SERPINB9: variants seen among roughly 807,000 people sequenced by gnomAD.
SERPINB9 encodes the protein serpin B9.
SERPINB9 carries 20 observed loss-of-function variants against 27.2 expected under a neutral mutation model. That is an observed-to-expected ratio of 0.74 (90% CI 0.52 to 1.07). The LOEUF (loss-of-function observed/expected upper bound fraction) is 1.07. SERPINB9 is among the 50% of genes least tolerant of loss of function. The probability of loss-of-function intolerance (pLI) is 0.00; values close to 1 mark genes in which losing one functional copy is unlikely to be tolerated. For synonymous variants in SERPINB9, 189 were observed against 180.0 expected (o/e 1.05, Z -0.40); for missense variants, 476 against 460.1 (o/e 1.03, Z -0.32).
intron 2 of SERPINB9, 121 bp from the exon 3 acceptor site, chr6:2,896,311 G>C: frequency 1.2e-6 from 1 of 804,902 alleles, no homozygotes; most frequent in South Asian, 1.9e-5. Flanking sequence ...AATGGATCTC[G>C]CTTGTTTAAA....
rs984774307 is a variant in SERPINB9 at position 2,891,696 on chromosome 6, C to T, written c.723+137G>A. On this transcript the variant is annotated intron_variant, in intron 6 of 6. Transcript: ENST00000380698. The surrounding 1 kb of genome is among the most constrained non-coding windows in gnomAD (Gnocchi z 4.0). ...GAAAAGTCAGCCTTGAACAAAAGTT[C>T]GATCCCAACGCCAAGTGCCTGCACA... is the stretch of plus-strand genomic sequence containing the variant. The T allele has an allele frequency of 3.1e-5, 30 of 955,888 alleles. No individual in the cohort carries two copies. Among genetic ancestry groups the T allele is most frequent in the East Asian group, 2.7e-4 (10 of 36,700 alleles). 59.2% of individuals were successfully genotyped at this position (955,888 alleles called of 1,614,324 possible).
chr6:2,896,613 T>C (rs1392269741), intron 2 of SERPINB9, among the ~76,000 whole-genome samples: 1 of 152,226 alleles, frequency 6.6e-6, no homozygotes, highest in East Asian at 1.9e-4. Flanking sequence ...CTATAGGGAC[T>C]ACATGTGTGT....
intron 5 of SERPINB9, 100 bp from the exon 6 acceptor site, chr6:2,892,088 C>A: frequency 7.8e-5 from 41 of 523,902 alleles, no homozygotes; most frequent in Non-Finnish European, 1.1e-4. Context: ...CCGCCACATT[C>A]ATGCCCCAGT....
chr6:2,897,443 G>C (rs563522736), intron 2 of SERPINB9, among the ~76,000 whole-genome samples: 1 of 152,234 alleles, frequency 6.6e-6, no homozygotes, highest in South Asian at 2.1e-4. Context: ...TCCAGCCTGG[G>C]CAACAGAGCA....
chr6:2,891,983 C>G lies in SERPINB9; in HGVS notation c.573G>C (p.Glu191Asp). The change falls in exon 6 of 7, where the codon GAG (glutamate) becomes GAC (aspartate). Residue 191 changes from glutamate (E) to aspartate (D), a missense_variant. Physicochemically the swap from Glu to Asp is conservative, Grantham distance 45. Transcript: ENST00000380698. This position sits in a 1 kb window ranked among gnomAD's most constrained non-coding sequence, Gnocchi z 4.0. ...REMPFKINQEEQRPVQMMYQE... is the reference protein window; with the variant it reads ...REMPFKINQEDQRPVQMMYQE... ...GATACATCATCTGCACTGGCCTTTG[C>G]TCCTCCTGGGGGAAGGATTATTGAA... 3.1e-6 allele frequency: 5 copies of G among 1,613,626 alleles called. No individual in the cohort carries two copies. The South Asian group carries it at 5.5e-5, about 18-fold the overall frequency.
intron 5 of SERPINB9, 26 bp from the exon 6 acceptor site, chr6:2,892,014 C>CA: frequency 6.3e-7 from 1 of 1,576,546 alleles, no homozygotes; most frequent in Non-Finnish European, 8.6e-7. Context: ...TTGAAAGACG[C>CA]AATTAAAACT....
chr6:2,899,108 A>AG lies in SERPINB9; in HGVS notation c.168+1335_168+1336insC, dbSNP rs1182794447. On this transcript the variant is annotated intron_variant, in intron 2 of 6. Coordinates refer to ENST00000380698, the MANE Select transcript of SERPINB9 (RefSeq NM_004155.6). ...GGAGCCATGGAGAGAGCTCAGTCTC[A>AG]CACCTAAGAAGGTACCCAGACAATT... Among the ~76,000 whole-genome samples the AG allele has an allele frequency of 2.6e-5, 4 of 152,304 alleles. No individual in the cohort carries two copies. The East Asian group carries it at 7.7e-4, about 29-fold the overall frequency.
chr6:2,900,414 T>A (rs753516297), intron 2 of SERPINB9, 30 bp downstream of exon 2: 22 of 1,610,832 alleles, frequency 1.4e-5, no homozygotes, highest in Non-Finnish European at 8.5e-7. Flanking sequence ...CCCAGGCCAG[T>A]CCCTGCTCCT....
intron 5 of SERPINB9, among the ~76,000 whole-genome samples, chr6:2,892,412 T>C (rs958276280): frequency 2.0e-5 from 3 of 152,188 alleles, no homozygotes; most frequent in African/African-American, 7.2e-5. Context: ...GGGATGAAAC[T>C]TATAGTTCCA....
chr6:2,890,056 G>A lies in SERPINB9; in HGVS notation c.*107C>T, dbSNP rs1561642182. 1 of 1,070,162 alleles carries A rather than the reference G, an allele frequency of 9.3e-7. No homozygotes were observed. Among genetic ancestry groups the A allele is most frequent in the Non-Finnish European group, 1.3e-6 (1 of 744,622 alleles). The allele number at this position is 1,070,162 out of a possible 1,614,324, so 66.3% of individuals were successfully genotyped here. A position where few individuals can be genotyped will look rare whatever the true frequency, so the allele number is the denominator to read the frequency against. ...ATGAGGGCAGACAGGTAAAGAATCT[G>A]CCCTCATCTTTGCACTTGGCTTTCT... On this transcript the variant is annotated 3_prime_UTR_variant, in exon 7 of 7. Transcript: ENST00000380698. This position sits in a 1 kb window ranked among gnomAD's most constrained non-coding sequence, Gnocchi z 6.2.
In SERPINB9 at chr6:2,893,187, CAT is replaced by C. The variant is rs57141452; in HGVS notation, c.567+222_567+223del. Among the ~76,000 whole-genome samples, 313 of 46,626 alleles carry C rather than the reference CAT, an allele frequency of 6.7e-3. 8 individuals are homozygous for C. The highest frequency in any genetic ancestry group is 0.011 in the African/African-American group (141 of 12,902). The allele number at this position is 46,626 out of a possible 152,430, so 30.6% of individuals were successfully genotyped here. On this transcript the variant is annotated intron_variant, in intron 5 of 6. Coordinates refer to ENST00000380698, the MANE Select transcript of SERPINB9 (RefSeq NM_004155.6). ...AGTTAAGAGCAGTGATAAAACACTA[CAT>C]ATATATATATATATTATATATACGT...
At position 2,895,251 on chromosome 6, in the gene SERPINB9, G is replaced by C. The variant is rs1349627291; in HGVS notation, c.424+140C>G. On this transcript the variant is annotated intron_variant, in intron 4 of 6. Transcript: ENST00000380698. ...AAATTAGAGGGGGCGGAGTGGAGAG[G>C]TGGAGGTGGGTGAGGAGAGGGAGGA... The C allele has an allele frequency of 6.4e-6, 4 of 622,776 alleles. No individual in the cohort carries two copies. In the East Asian group the frequency reaches 1.1e-4, roughly 17 times the overall value. 38.6% of individuals were successfully genotyped at this position (622,776 alleles called of 1,614,324 possible). A position where few individuals can be genotyped will look rare whatever the true frequency, so the allele number is the denominator to read the frequency against.
intron 4 of SERPINB9, 52 bp from the exon 5 acceptor site, chr6:2,893,605 G>A (rs1767899641): frequency 6.7e-7 from 1 of 1,485,868 alleles, no homozygotes; most frequent in South Asian, 1.2e-5. Flanking sequence ...AGAACCTGAT[G>A]CATTGGATGA....
Position 2,887,523 on chromosome 6 carries a change from T to C in SERPINB9, c.*2640A>G, listed in dbSNP as rs1030243352. ...ATAAGTATCTGCATATGATACATAA[T>C]GTTGCAGATGTTTGTAATTTACATA... On this transcript the variant is annotated 3_prime_UTR_variant, in exon 7 of 7. Transcript: ENST00000380698. 2 of 152,202 alleles carry C rather than the reference T, an allele frequency of 1.3e-5. No homozygotes were observed. The highest frequency in any genetic ancestry group is 2.4e-5 in the African/African-American group (1 of 41,452). 9.4% of individuals were successfully genotyped at this position (152,202 alleles called of 1,614,324 possible). A position where few individuals can be genotyped will look rare whatever the true frequency, so the allele number is the denominator to read the frequency against.
intron 5 of SERPINB9, 146 bp from the exon 6 acceptor site, chr6:2,892,134 A>AC: frequency 1.3e-6 from 1 of 741,370 alleles, no homozygotes; most frequent in Non-Finnish European, 2.1e-6. Context: ...AAAAAAAAAA[A>AC]AAGTCAACCA....
intron 4 of SERPINB9, 132 bp downstream of exon 4, chr6:2,895,259 G>T (rs1767953206): frequency 1.6e-6 from 1 of 635,862 alleles, no homozygotes; most frequent in Non-Finnish European, 2.8e-6. Context: ...AGGTGGAGGT[G>T]GGTGAGGAGA....
rs1483194120 is a variant in SERPINB9 at position 2,888,353 on chromosome 6, C to G, written c.*1810G>C. ...TCCTAGATATATACCCAAGAGAATG[C>G]AAAATAGGCATTCAAACAAATACAG... is the stretch of plus-strand genomic sequence containing the variant. On this transcript the variant is annotated 3_prime_UTR_variant, in exon 7 of 7. Transcript: ENST00000380698. 6.6e-6 allele frequency: 1 copy of G among 152,010 alleles called. No homozygotes were observed. The highest frequency in any genetic ancestry group is 1.5e-5 in the Non-Finnish European group (1 of 67,986). 9.4% of individuals were successfully genotyped at this position (152,010 alleles called of 1,614,324 possible).
In SERPINB9 at chr6:2,891,823, C is replaced by A. The variant is rs772580805; in HGVS notation, c.723+10G>T. 1 of 1,583,980 alleles carries A rather than the reference C, an allele frequency of 6.3e-7. No individual in the cohort carries two copies. Among genetic ancestry groups the A allele is most frequent in the Non-Finnish European group, 8.5e-7 (1 of 1,169,894 alleles). Reference sequence around the variant, plus strand: ...GTGTCCCTGGGTTCTTCCCGCAGCCCGGGTCTTACCGTGCTGAGCTCCACG... The same window carrying A: ...GTGTCCCTGGGTTCTTCCCGCAGCCAGGGTCTTACCGTGCTGAGCTCCACG... On this transcript the variant is annotated intron_variant, in intron 6 of 6. Coordinates refer to ENST00000380698, the MANE Select transcript of SERPINB9 (RefSeq NM_004155.6). This position sits in a 1 kb window ranked among gnomAD's most constrained non-coding sequence, Gnocchi z 4.0.
In SERPINB9 at chr6:2,889,929, G is replaced by A. The variant is rs554413466; in HGVS notation, c.*234C>T. The A allele has an allele frequency of 8.1e-4, 349 of 431,402 alleles. 1 individual carries two copies. The highest frequency in any genetic ancestry group is 1.9e-3 in the South Asian group (35 of 18,114). 26.7% of individuals were successfully genotyped at this position (431,402 alleles called of 1,614,324 possible). ...CTTGCCATCCTATGGGATTTGGACT[G>A]CAATTTTAATACAACAGGGAATCAT... is the stretch of plus-strand genomic sequence containing the variant. On this transcript the variant is annotated 3_prime_UTR_variant, in exon 7 of 7. Transcript: ENST00000380698.
Sources: allele counts gnomAD v4.1 joint callset (sites outside exome capture counted in the v4.1 genomes callset), GRCh38; gene constraint gnomAD v4.1.1; non-coding constraint Gnocchi (gnomAD v3.1); transcripts MANE v1.5; gene names NCBI Gene and HGNC (gene_info 2026-07-23, HGNC 2026-07-21).